WIPF2: variants seen among roughly 807,000 people sequenced by gnomAD.
WIPF2 encodes WAS/WASL-interacting protein family member 2.
A neutral mutation model predicts 38.8 loss-of-function variants in WIPF2; 23 were observed. That is an observed-to-expected ratio of 0.59 (90% confidence interval 0.43 to 0.84). WIPF2 has a LOEUF of 0.84. Among genes scored for constraint, WIPF2 ranks in the 40% least tolerant of loss-of-function variants. The pLI, the probability that WIPF2 is intolerant of heterozygous loss-of-function variation, is 0.00. For missense variants in WIPF2, 574 were observed against 580.5 expected (o/e 0.99, Z 0.11); for synonymous variants, 210 against 223.2 (o/e 0.94, Z 0.53).
intron 6 of WIPF2, among the ~76,000 whole-genome samples, chr17:40,274,982 G>A (rs1439634258): frequency 6.7e-6 from 1 of 149,150 alleles, no homozygotes; most frequent in Non-Finnish European, 1.5e-5. Flanking sequence ...GCTCACGCCT[G>A]TAATCGCAGT....
chr17:40,275,640 C>T (rs769764621), intron 6 of WIPF2, among the ~76,000 whole-genome samples: 64 of 152,172 alleles, frequency 4.2e-4, no homozygotes, highest in Non-Finnish European at 7.8e-4. Context: ...CACGGCTCAC[C>T]GCAGTCTCGA....
chr17:40,225,802 G>A (rs1278034648), intron 1 of WIPF2, among the ~76,000 whole-genome samples: 3 of 152,050 alleles, frequency 2.0e-5, no homozygotes, highest in African/African-American at 7.2e-5. Flanking sequence ...GACTACAGGC[G>A]CACGCCACTA....
At chr17:40,239,420 G>T (rs1022183824) in intron 1 of WIPF2, among the ~76,000 whole-genome samples, 1 of 152,022 alleles carries the variant, frequency 6.6e-6, no homozygotes, top group African/African-American at 2.4e-5. Context: ...CTCATCAAGT[G>T]GTGGACCCTA....
chr17:40,255,698 G>A (rs1180998365), intron 1 of WIPF2, among the ~76,000 whole-genome samples: 18 of 139,266 alleles, frequency 1.3e-4, no homozygotes, highest in African/African-American at 4.4e-4. Flanking sequence ...GCACCATCTC[G>A]GCTCACTGCA....
chr17:40,256,487 C>T lies in WIPF2; in HGVS notation c.28C>T (p.Pro10Ser). The T allele has an allele frequency of 6.2e-7, 1 of 1,608,578 alleles. No homozygotes were observed. The highest frequency in any genetic ancestry group is 8.5e-7 in the Non-Finnish European group (1 of 1,177,878). The part of the protein sequence containing the change: MPIPPPPPP[P>S]PGPPPPPTFH... ...GCCAATTCCTCCTCCCCCGCCACCC[C>T]CACCTGGTCCTCCTCCACCTCCCAC... Residue 10 changes from proline (P) to serine (S), a missense_variant, in exon 2 of 8, where the codon CCA (proline) becomes TCA (serine). Physicochemically the swap from Pro to Ser is moderately conservative, Grantham distance 74. Coordinates refer to ENST00000323571, the MANE Select transcript of WIPF2 (RefSeq NM_133264.5).
chr17:40,252,521 G>A (rs2031590986), intron 1 of WIPF2, among the ~76,000 whole-genome samples: 1 of 151,982 alleles, frequency 6.6e-6, no homozygotes, highest in African/African-American at 2.4e-5. Context: ...GAAATTAGCT[G>A]GGTGTGGTGG....
intron 1 of WIPF2, among the ~76,000 whole-genome samples, chr17:40,227,354 T>G (rs2030538401): frequency 1.3e-5 from 2 of 152,098 alleles, no homozygotes; most frequent in Admixed American, 1.3e-4. Context: ...TGTTATATTT[T>G]AAATAAATAA....
chr17:40,237,263 CAG>C (rs1354657705), intron 1 of WIPF2, among the ~76,000 whole-genome samples: 4 of 126,056 alleles, frequency 3.2e-5, no homozygotes, highest in African/African-American at 1.2e-4. Flanking sequence ...TTTTTTGAGA[CAG>C]AGTCTCACTT....
At chr17:40,265,568 C>T (rs2032063971) in intron 5 of WIPF2, among the ~76,000 whole-genome samples, 1 of 151,824 alleles carries the variant, frequency 6.6e-6, no homozygotes, top group African/African-American at 2.4e-5. Flanking sequence ...GCAGTGGGAA[C>T]AACAAATGCA....
At position 40,243,687 on chromosome 17, in the gene WIPF2, A is replaced by AT. The variant is rs929061465; in HGVS notation, c.-69-12692dup. 5.0e-3 allele frequency among the ~76,000 whole-genome samples: 708 copies of AT among 142,736 alleles called. 1 individual carries two copies. The highest frequency in any genetic ancestry group is 8.6e-3 in the South Asian group (39 of 4,518). 93.6% of individuals were successfully genotyped at this position (142,736 alleles called of 152,430 possible). A position where few individuals can be genotyped will look rare whatever the true frequency, so the allele number is the denominator to read the frequency against. On this transcript the variant is annotated intron_variant, in intron 1 of 7. Coordinates refer to ENST00000323571, the MANE Select transcript of WIPF2 (RefSeq NM_133264.5). ...CGCCACCACACCCGGCTAATTTTGT[A>AT]TTTTTTTTTTTTAAGTAGAGATGGG...
chr17:40,264,775 C>T lies in WIPF2; in HGVS notation c.599C>T (p.Ala200Val), dbSNP rs1246747828. Reference sequence around the variant, plus strand: ...CCTCTGCCTATGCACAGCAGCAAAGCCCCCGCCTACAACAGAGAGAAACCC... The same window carrying T: ...CCTCTGCCTATGCACAGCAGCAAAGTCCCCGCCTACAACAGAGAGAAACCC... ...PTPLPMHSSK[A>V]PAYNREKPLP... Residue 200 changes from alanine to valine, a missense_variant, in exon 5 of 8, where the codon GCC (alanine) becomes GTC (valine). Coordinates refer to ENST00000323571, the MANE Select transcript of WIPF2 (RefSeq NM_133264.5). The T allele has an allele frequency of 1.9e-6, 3 of 1,605,232 alleles. No homozygotes were observed. Among genetic ancestry groups the T allele is most frequent in the East Asian group, 2.2e-5 (1 of 44,742 alleles).
chr17:40,273,798 C>T lies in WIPF2; in HGVS notation c.979C>T (p.Pro327Ser). The change falls in exon 6 of 8, where the codon CCC becomes TCC. Residue 327 changes from proline to serine, a missense_variant. Transcript: ENST00000323571. ...TTGGATTTTAATTGCAGCTCCTCCA[C>T]CCCCACCACCTGTGATCCGAAATGG... is the stretch of plus-strand genomic sequence containing the variant. ...DPPSRGAAPP[P>S]PPPVIRNGAR... 1 of 1,603,746 alleles carries T rather than the reference C, an allele frequency of 6.2e-7. No homozygotes were observed. Among genetic ancestry groups the T allele is most frequent in the African/African-American group, 1.3e-5 (1 of 74,756 alleles).
At chr17:40,225,516 C>G (rs2030442172) in intron 1 of WIPF2, among the ~76,000 whole-genome samples, 1 of 152,158 alleles carries the variant, frequency 6.6e-6, no homozygotes, top group Non-Finnish European at 1.5e-5. Context: ...TTCTTCCTTG[C>G]CATTTAAGCT....
intron 1 of WIPF2, among the ~76,000 whole-genome samples, chr17:40,223,533 GA>G (rs58989731): frequency 9.1e-5 from 13 of 142,978 alleles, no homozygotes; most frequent in South Asian, 4.3e-4. Flanking sequence ...GTGTTTTTAG[GA>G]AAAAAAAAAG....
At chr17:40,231,413 G>A (rs920588642) in intron 1 of WIPF2, among the ~76,000 whole-genome samples, 7 of 149,124 alleles carry the variant, frequency 4.7e-5, no homozygotes, top group African/African-American at 1.7e-4. Flanking sequence ...ACTGTTCTCT[G>A]TGCTTTTCTA....
chr17:40,235,955 T>TA (rs1371611048), intron 1 of WIPF2, among the ~76,000 whole-genome samples: 1 of 151,520 alleles, frequency 6.6e-6, no homozygotes, highest in African/African-American at 2.4e-5. Flanking sequence ...TTGACTGGAT[T>TA]AAAAAAATTT....
intron 1 of WIPF2, among the ~76,000 whole-genome samples, chr17:40,229,524 G>A (rs2030654532): frequency 6.6e-6 from 1 of 152,260 alleles, no homozygotes. Flanking sequence ...CCAGGTTCAA[G>A]CCATTCTGCT....
In WIPF2 at chr17:40,274,488, A is replaced by G. The variant is rs573998324; in HGVS notation, c.1180+489A>G. The stretch of plus-strand genomic sequence containing the variant: ...ACTCCTGGTCTCAAGCAGTCCTCCA[A>G]CCTTGGCCTCCCAAAGTGCTGGGAT... On this transcript the variant is annotated intron_variant, in intron 6 of 7. Coordinates refer to ENST00000323571, the MANE Select transcript of WIPF2 (RefSeq NM_133264.5). Among the ~76,000 whole-genome samples the G allele has an allele frequency of 4.5e-5, 6 of 133,472 alleles. No individual in the cohort carries two copies. The East Asian group carries it at 1.5e-3, about 34-fold the overall frequency. 87.6% of individuals were successfully genotyped at this position (133,472 alleles called of 152,430 possible).
intron 1 of WIPF2, among the ~76,000 whole-genome samples, chr17:40,244,995 C>G (rs2031315129): frequency 6.6e-6 from 1 of 152,090 alleles, no homozygotes; most frequent in African/African-American, 2.4e-5. Context: ...GCAACCCTAT[C>G]CAAAGGAAGA....
Sources: allele counts gnomAD v4.1 joint callset (sites outside exome capture counted in the v4.1 genomes callset), GRCh38; gene constraint gnomAD v4.1.1; transcripts MANE v1.5; gene names NCBI Gene and HGNC (gene_info 2026-07-23, HGNC 2026-07-21).